TBCD: variants seen among roughly 807,000 people sequenced by gnomAD.
TBCD encodes tubulin folding cofactor D, also known as tubulin-specific chaperone D.
Under a neutral mutation model 169.3 loss-of-function variants are expected in TBCD, and 105 were observed. The observed-to-expected ratio is 0.62, with a 90% CI of 0.53 to 0.73. The LOEUF (loss-of-function observed/expected upper bound fraction) is 0.73, where lower values mean the gene tolerates loss of function less well. Among genes scored for constraint, TBCD ranks in the 30% least tolerant of loss-of-function variants. TBCD has a pLI of 0.00. For synonymous variants in TBCD, 700 were observed against 643.9 expected (o/e 1.09, Z -1.32); for missense variants, 1,444 against 1,600.1 (o/e 0.90, Z 1.66).
chr17:82,809,026 G>T (rs1354442060), intron 11 of TBCD, among the ~76,000 whole-genome samples: 1 of 152,028 alleles, frequency 6.6e-6, no homozygotes, highest in East Asian at 1.9e-4. Context: ...CCATGCGTCT[G>T]TGCTGGGTCC....
rs538350524 is a variant in TBCD at position 82,940,963 on chromosome 17, A to G, written c.3480-436A>G. On this transcript the variant is annotated intron_variant, in intron 37 of 38. Transcript: ENST00000355528. ...TCGTTTAATCCCCTTTCTGTTAAAA[A>G]AAAAAATCCTTAGAATTTAAAGAGA... Among the ~76,000 whole-genome samples the G allele has an allele frequency of 3.5e-3, 537 of 152,360 alleles. 3 individuals are homozygous for G. Among genetic ancestry groups the G allele is most frequent in the African/African-American group, 0.013 (521 of 41,582 alleles).
At chr17:82,869,101 G>A (rs1293975556) in intron 13 of TBCD, among the ~76,000 whole-genome samples, 1 of 152,202 alleles carries the variant, frequency 6.6e-6, no homozygotes, top group African/African-American at 2.4e-5. Context: ...AGCTGGGTTG[G>A]AGGCTTGGGT....
chr17:82,809,548 C>T (rs1378737496), intron 11 of TBCD, among the ~76,000 whole-genome samples, 160 bp from the exon 12 acceptor site: 2 of 152,156 alleles, frequency 1.3e-5, no homozygotes, highest in African/African-American at 2.4e-5. Flanking sequence ...CGTGTTTTAG[C>T]GCGGGGGCTC....
intron 13 of TBCD, among the ~76,000 whole-genome samples, chr17:82,818,966 A>C (rs562564645): frequency 6.6e-4 from 100 of 152,248 alleles, no homozygotes; most frequent in Non-Finnish European, 1.4e-3. Flanking sequence ...GCTGAGGCAG[A>C]AGAATCGCGT....
intron 14 of TBCD, among the ~76,000 whole-genome samples, chr17:82,873,019 C>CGCCTGG: frequency 2.0e-5 from 3 of 152,056 alleles, no homozygotes; most frequent in African/African-American, 7.2e-5. Flanking sequence ...CCAGGCCCGT[C>CGCCTGG]TGGGCAGCAG....
chr17:82,927,466 A>T, intron 29 of TBCD, 143 bp downstream of exon 29: 1 of 1,212,608 alleles, frequency 8.2e-7, no homozygotes, highest in Non-Finnish European at 1.1e-6. Context: ...GGGGAAGATG[A>T]CCTGTTCTCT....
intron 13 of TBCD, among the ~76,000 whole-genome samples, chr17:82,853,060 TTC>T: frequency 6.6e-6 from 1 of 152,176 alleles, no homozygotes; most frequent in Non-Finnish European, 1.5e-5. Flanking sequence ...CTACTCAGCT[TTC>T]TCTCTCTCTT....
At chr17:82,904,579 CT>C (rs2060109228) in intron 19 of TBCD, among the ~76,000 whole-genome samples, 1 of 152,128 alleles carries the variant, frequency 6.6e-6, no homozygotes. Context: ...TTTTTTTCTA[CT>C]TGGAATAAAT....
intron 13 of TBCD, among the ~76,000 whole-genome samples, chr17:82,841,479 G>A (rs2054522634): frequency 1.3e-5 from 2 of 152,026 alleles, no homozygotes; most frequent in South Asian, 4.2e-4. Flanking sequence ...ACTATGCCTG[G>A]AGAATTTTTT....
chr17:82,828,200 T>G (rs1055182501), intron 13 of TBCD, among the ~76,000 whole-genome samples: 1 of 134,546 alleles, frequency 7.4e-6, no homozygotes, highest in Non-Finnish European at 1.5e-5. Flanking sequence ...CCCGCAGATA[T>G]GCACACGTGG....
intron 22 of TBCD, among the ~76,000 whole-genome samples, chr17:82,909,520 A>G (rs2060473441): frequency 7.9e-6 from 1 of 126,826 alleles, no homozygotes; most frequent in Non-Finnish European, 1.6e-5. Flanking sequence ...CCACTGTGGG[A>G]GGTGCATGAG....
chr17:82,881,530 G>A (rs1011000982), intron 14 of TBCD, among the ~76,000 whole-genome samples: 6 of 152,144 alleles, frequency 3.9e-5, no homozygotes, highest in East Asian at 3.9e-4. Context: ...GCTCCCAGCC[G>A]ATACGGGCCT....
At chr17:82,808,853 G>A (rs1171797631) in intron 11 of TBCD, among the ~76,000 whole-genome samples, 1 of 150,686 alleles carries the variant, frequency 6.6e-6, no homozygotes, top group Non-Finnish European at 1.5e-5. Flanking sequence ...AGGTGGAGGG[G>A]CTGGCAGGTG....
At chr17:82,797,715 A>C (rs371453330) in intron 7 of TBCD, 42 bp from the exon 8 acceptor site, 1 of 1,406,654 alleles carries the variant, frequency 7.1e-7, no homozygotes, top group Non-Finnish European at 9.6e-7. Context: ...TTAAACTTCT[A>C]TTTGTATTTG....
At chr17:82,940,870 CG>C (rs1486328977) in intron 37 of TBCD, among the ~76,000 whole-genome samples, 1 of 152,018 alleles carries the variant, frequency 6.6e-6, no homozygotes, top group Non-Finnish European at 1.5e-5. Flanking sequence ...GAGGCTGGGT[CG>C]GGGTGGCCTC....
intron 13 of TBCD, among the ~76,000 whole-genome samples, chr17:82,836,429 A>G (rs1211803893): frequency 6.6e-6 from 1 of 152,264 alleles, no homozygotes; most frequent in East Asian, 1.9e-4. Context: ...ATGTTCATCA[A>G]GTGAGAGCTG....
At chr17:82,939,283 G>T in intron 36 of TBCD, 84 bp from the exon 37 acceptor site, 1 of 1,098,444 alleles carries the variant, frequency 9.1e-7, no homozygotes, top group Non-Finnish European at 1.3e-6. Context: ...CCACTGACGG[G>T]GCTCCCTGGC....
chr17:82,883,187 C>G (rs959492302), intron 14 of TBCD, among the ~76,000 whole-genome samples: 6 of 152,270 alleles, frequency 3.9e-5, no homozygotes, highest in Non-Finnish European at 8.8e-5. Context: ...TTCCCTGGAA[C>G]AAGGCAGAGC....
intron 13 of TBCD, among the ~76,000 whole-genome samples, chr17:82,852,920 A>G (rs2055921372): frequency 1.3e-5 from 2 of 152,150 alleles, no homozygotes; most frequent in Non-Finnish European, 2.9e-5. Context: ...GAATGAACGT[A>G]TTCAGAGCTC....
Sources: gnomAD v4.1 joint callset for allele counts (sites outside exome capture counted in the v4.1 genomes callset) on GRCh38, gnomAD v4.1.1 for gene constraint, MANE v1.5 for transcripts, NCBI Gene and HGNC (gene_info 2026-07-23, HGNC 2026-07-21) for gene names.